Variants in CDK13 observed in about 807,000 individuals in gnomAD.
The protein encoded by CDK13 is cyclin dependent kinase 13.
In CDK13, 40 loss-of-function variants were observed where a neutral mutation model predicts 137.6. The ratio of observed to expected loss-of-function variants is 0.29; its 90% CI spans 0.23 to 0.38. The LOEUF (loss-of-function observed/expected upper bound fraction) is 0.38. Among genes scored for constraint, CDK13 ranks in the 10% least tolerant of loss-of-function variants. The pLI is 1.00. For missense variants in CDK13, 1,704 were observed against 1,951.8 expected (o/e 0.87, Z 2.39); for synonymous variants, 869 against 760.1 (o/e 1.14, Z -2.36).
intron 5 of CDK13, among the ~76,000 whole-genome samples, chr7:40,038,798 C>T (rs1414607798): frequency 1.3e-5 from 2 of 151,990 alleles, no homozygotes; most frequent in Admixed American, 6.6e-5. Flanking sequence ...TGGGTTCAAG[C>T]GATTCTCTTG....
chr7:40,084,728 G>C (rs1786746931), intron 11 of CDK13, among the ~76,000 whole-genome samples: 1 of 152,214 alleles, frequency 6.6e-6, no homozygotes, highest in Non-Finnish European at 1.5e-5. Context: ...TGTCAAACAT[G>C]AATTAATACA....
At position 40,027,590 on chromosome 7, in the gene CDK13, T is replaced by C. The variant is rs556232403; in HGVS notation, c.2354-18246T>C. Among the ~76,000 whole-genome samples, 57 of 151,964 alleles carry C rather than the reference T, an allele frequency of 3.8e-4. No individual in the cohort carries two copies. In the South Asian group the frequency reaches 0.011, roughly 31 times the overall value. On this transcript the variant is annotated intron_variant, in intron 5 of 13. Coordinates refer to ENST00000181839, the MANE Select transcript of CDK13 (RefSeq NM_003718.5). The stretch of plus-strand genomic sequence containing the variant: ...TATTTGCCCTACTTTGGGAGAGATA[T>C]GGTATTTGACATGTTTTGGGGCCAC...
intron 1 of CDK13, among the ~76,000 whole-genome samples, chr7:39,961,448 A>G (rs1245128389): frequency 6.6e-6 from 1 of 152,134 alleles, no homozygotes; most frequent in African/African-American, 2.4e-5. Context: ...AAAATTTATT[A>G]CTTCTGTCTA....
chr7:40,089,347 C>T (rs776149443), intron 12 of CDK13, among the ~76,000 whole-genome samples: 4 of 147,836 alleles, frequency 2.7e-5, no homozygotes, highest in Admixed American at 6.9e-5. Context: ...GGCTCAGGCA[C>T]GATAATTGCT....
intron 1 of CDK13, among the ~76,000 whole-genome samples, chr7:39,981,901 C>T (rs1485584174): frequency 1.3e-5 from 2 of 150,822 alleles, no homozygotes; most frequent in African/African-American, 2.4e-5. Flanking sequence ...ATGCCATTCT[C>T]CTGCCTCAGC....
In CDK13 at chr7:40,036,527, G is replaced by A. The variant is rs184569992; in HGVS notation, c.2354-9309G>A. 3.9e-3 allele frequency among the ~76,000 whole-genome samples: 600 copies of A among 152,144 alleles called. 4 individuals carry two copies. Among genetic ancestry groups the A allele is most frequent in the African/African-American group, 0.014 (578 of 41,528 alleles). The stretch of plus-strand genomic sequence containing the variant: ...GTGGAGGCTGCAGTGAGTTGAGATC[G>A]TGCACTGTACTCCAGTCTGGGTGAC... On this transcript the variant is annotated intron_variant, in intron 5 of 13. Transcript: ENST00000181839.
In CDK13 at chr7:40,054,461, G is replaced by T. The variant is rs570639328; in HGVS notation, c.2600+6584G>T. Reference sequence around the variant, plus strand: ...TTTTTTTTTTTTGAGATGGAGTTTCGCTCTTGTCTCCCAAGCTGGAGTGCA... The same window carrying T: ...TTTTTTTTTTTTGAGATGGAGTTTCTCTCTTGTCTCCCAAGCTGGAGTGCA... On this transcript the variant is annotated intron_variant, in intron 7 of 13. Coordinates refer to ENST00000181839, the MANE Select transcript of CDK13 (RefSeq NM_003718.5). 8.6e-5 allele frequency among the ~76,000 whole-genome samples: 13 copies of T among 150,434 alleles called. No homozygotes were observed. The South Asian group carries it at 2.3e-3, about 27-fold the overall frequency.
intron 1 of CDK13, among the ~76,000 whole-genome samples, chr7:39,954,542 A>T (rs1787347434): frequency 6.6e-6 from 1 of 152,200 alleles, no homozygotes; most frequent in Admixed American, 6.5e-5. Context: ...AATGTTGAAT[A>T]GGTGTAAATG....
intron 11 of CDK13, among the ~76,000 whole-genome samples, chr7:40,084,454 G>C (rs998613463): frequency 1.3e-5 from 2 of 152,132 alleles, no homozygotes; most frequent in Non-Finnish European, 2.9e-5. Flanking sequence ...CTCCACCCTG[G>C]GTGACAAGAG....
intron 1 of CDK13, chr7:39,952,084 G>A (rs1787241220): frequency 5.1e-6 from 2 of 395,144 alleles, no homozygotes; most frequent in Admixed American, 4.4e-5. Context: ...GCTGTGGCAG[G>A]GAAGATTTCT....
At chr7:40,068,286 G>A (rs1450663105) in intron 9 of CDK13, among the ~76,000 whole-genome samples, 1 of 151,440 alleles carries the variant, frequency 6.6e-6, no homozygotes, top group Non-Finnish European at 1.5e-5. Flanking sequence ...AAATGGCAAA[G>A]TAATAAAGAC....
At chr7:40,021,116 T>TACACACAC (rs1229395145) in intron 5 of CDK13, among the ~76,000 whole-genome samples, 2 of 99,546 alleles carry the variant, frequency 2.0e-5, no homozygotes, top group African/African-American at 6.8e-5. Context: ...TATATATATA[T>TACACACAC]ATATATACAC....
intron 6 of CDK13, among the ~76,000 whole-genome samples, chr7:40,046,753 A>G (rs1482646734): frequency 4.6e-5 from 7 of 151,248 alleles, no homozygotes; most frequent in African/African-American, 9.7e-5. Flanking sequence ...TGTAATCCCA[A>G]CACTTTGGGA....
rs1170287970 is a variant in CDK13 at position 40,029,416 on chromosome 7, CTG to C, written c.2354-16415_2354-16414del. Among the ~76,000 whole-genome samples the C allele has an allele frequency of 2.7e-5, 4 of 147,554 alleles. No homozygotes were observed. The Admixed American group carries it at 2.7e-4, about 10-fold the overall frequency. On this transcript the variant is annotated intron_variant, in intron 5 of 13. Transcript: ENST00000181839. ...CACACCAGCCTAGGTGACAGCAAGA[CTG>C]TGTGGAAAAAAAAAAAATTTAGTCC...
At chr7:40,059,274 C>A (rs989199092) in intron 7 of CDK13, 1 of 152,238 alleles carries the variant, frequency 6.6e-6, no homozygotes, top group African/African-American at 2.4e-5. Context: ...CTTATCAGGC[C>A]TTAAGGTAGG....
intron 1 of CDK13, among the ~76,000 whole-genome samples, chr7:39,975,311 T>C (rs1784083027): frequency 6.6e-6 from 1 of 152,036 alleles, no homozygotes; most frequent in Non-Finnish European, 1.5e-5. Context: ...CTTGAGGGGC[T>C]GAGGCAGGAG....
chr7:40,056,333 T>A (rs1403564328), intron 7 of CDK13, among the ~76,000 whole-genome samples: 1 of 152,214 alleles, frequency 6.6e-6, no homozygotes, highest in Non-Finnish European at 1.5e-5. Context: ...TAAAAGCTTT[T>A]TAAAAAATAG....
At chr7:40,086,092 A>G (rs1786781555) in intron 11 of CDK13, among the ~76,000 whole-genome samples, 1 of 152,190 alleles carries the variant, frequency 6.6e-6, no homozygotes, top group Admixed American at 6.5e-5. Context: ...TAATTTTATA[A>G]AAGCGCGTCA....
intron 7 of CDK13, among the ~76,000 whole-genome samples, chr7:40,049,477 G>A (rs987055068): frequency 6.6e-5 from 10 of 151,474 alleles, no homozygotes; most frequent in African/African-American, 1.2e-4. Context: ...GCATTTGAGC[G>A]AATTGAGACC....
Sources: gnomAD v4.1 joint callset for allele counts (sites outside exome capture counted in the v4.1 genomes callset) on GRCh38, gnomAD v4.1.1 for gene constraint, MANE v1.5 for transcripts, NCBI Gene and HGNC (gene_info 2026-07-23, HGNC 2026-07-21) for gene names.